GRM1: variants seen among roughly 807,000 people sequenced by gnomAD.
GRM1 encodes the protein metabotropic glutamate receptor 1.
A neutral mutation model predicts 90.9 loss-of-function variants in GRM1; 33 were observed. That is an observed-to-expected ratio of 0.36 (90% confidence interval 0.28 to 0.49). The LOEUF (loss-of-function observed/expected upper bound fraction) is 0.49, where lower values mean the gene tolerates loss of function less well. GRM1 is among the 20% of genes least tolerant of loss of function. GRM1 has a pLI of 0.99. For synonymous variants in GRM1, 700 were observed against 613.2 expected (o/e 1.14, Z -2.09); for missense variants, 1,190 against 1,534.3 (o/e 0.78, Z 3.75).
At chr6:146,364,373 A>C in intron 5 of GRM1, among the ~76,000 whole-genome samples, 1 of 152,204 alleles carries the variant, frequency 6.6e-6, no homozygotes, top group East Asian at 1.9e-4. Flanking sequence ...ATCTACCTCA[A>C]GTAAATTATC....
chr6:146,396,104 C>CTGTCTATCTATCTATT (rs1554307314), intron 6 of GRM1, among the ~76,000 whole-genome samples: 2 of 146,898 alleles, frequency 1.4e-5, no homozygotes, highest in Non-Finnish European at 3.0e-5. Context: ...ATCTATCTAT[C>CTGTCTATCTATCTATT]GTCTATATAT....
intron 2 of GRM1, among the ~76,000 whole-genome samples, chr6:146,178,754 T>A (rs1195665346): frequency 6.6e-6 from 1 of 152,238 alleles, no homozygotes; most frequent in Non-Finnish European, 1.5e-5. Context: ...ATTTCTCATT[T>A]AGTAGCCATT....
At chr6:146,326,069 G>C (rs557333610) in intron 3 of GRM1, among the ~76,000 whole-genome samples, 12 of 152,252 alleles carry the variant, frequency 7.9e-5, no homozygotes, top group African/African-American at 2.9e-4. Context: ...CAGAGAAGTG[G>C]TCATAAGCCT....
intron 7 of GRM1, among the ~76,000 whole-genome samples, chr6:146,423,653 C>A (rs1326036404): frequency 1.3e-5 from 2 of 152,076 alleles, no homozygotes; most frequent in Non-Finnish European, 2.9e-5. Context: ...GCTTCCTGTC[C>A]AATTTCCGGG....
intron 2 of GRM1, among the ~76,000 whole-genome samples, chr6:146,178,926 T>A (rs1205781538): frequency 1.3e-5 from 2 of 152,166 alleles, no homozygotes; most frequent in Non-Finnish European, 2.9e-5. Flanking sequence ...AAGATGTTAA[T>A]CTACCCACAA....
At chr6:146,241,839 A>G (rs1381552903) in intron 2 of GRM1, among the ~76,000 whole-genome samples, 6 of 152,264 alleles carry the variant, frequency 3.9e-5, no homozygotes, top group Non-Finnish European at 8.8e-5. Context: ...TAAAATACCT[A>G]CTGGGCACCT....
At chr6:146,295,695 G>A (rs1357762198) in intron 2 of GRM1, among the ~76,000 whole-genome samples, 1 of 152,100 alleles carries the variant, frequency 6.6e-6, no homozygotes, top group African/African-American at 2.4e-5. Flanking sequence ...GTATGTATAT[G>A]TATATTATTG....
intron 3 of GRM1, among the ~76,000 whole-genome samples, chr6:146,351,896 G>T (rs1396121633): frequency 6.6e-6 from 1 of 152,202 alleles, no homozygotes; most frequent in Non-Finnish European, 1.5e-5. Flanking sequence ...CATGATATAG[G>T]AAGATATTTA....
intron 3 of GRM1, among the ~76,000 whole-genome samples, chr6:146,346,702 A>T (rs1370775711): frequency 1.3e-5 from 2 of 152,352 alleles, no homozygotes; most frequent in East Asian, 3.9e-4. Flanking sequence ...TCTTCCTTCA[A>T]TAAATCTAAG....
At chr6:146,210,428 A>G (rs1779651688) in intron 2 of GRM1, among the ~76,000 whole-genome samples, 1 of 152,256 alleles carries the variant, frequency 6.6e-6, no homozygotes, top group Non-Finnish European at 1.5e-5. Context: ...GAAACTAATT[A>G]TGCTTATTAA....
At chr6:146,131,713 C>T (rs966661288) in intron 1 of GRM1, among the ~76,000 whole-genome samples, 4 of 152,122 alleles carry the variant, frequency 2.6e-5, no homozygotes, top group Admixed American at 2.6e-4. Context: ...TGTTTAGGCA[C>T]TGTTCTGGAC....
At chr6:146,074,773 A>G (rs1298564388) in intron 1 of GRM1, among the ~76,000 whole-genome samples, 1 of 152,140 alleles carries the variant, frequency 6.6e-6, no homozygotes, top group Non-Finnish European at 1.5e-5. Flanking sequence ...AGAGTCATAA[A>G]TCCGACACAA....
intron 3 of GRM1, among the ~76,000 whole-genome samples, chr6:146,343,520 C>A (rs866457118): frequency 6.6e-6 from 1 of 151,968 alleles, no homozygotes; most frequent in Non-Finnish European, 1.5e-5. Flanking sequence ...TTATTTTATA[C>A]CCTGGATTAT....
At chr6:146,167,554 A>G (rs983352867) in intron 2 of GRM1, among the ~76,000 whole-genome samples, 2 of 152,070 alleles carry the variant, frequency 1.3e-5, no homozygotes, top group African/African-American at 4.8e-5. Flanking sequence ...CCAAAATAGT[A>G]TTGTCAGTCT....
intron 1 of GRM1, among the ~76,000 whole-genome samples, chr6:146,073,130 A>AGGTT (rs1381393120): frequency 6.6e-6 from 1 of 152,160 alleles, no homozygotes; most frequent in African/African-American, 2.4e-5. Context: ...TAATAATTAT[A>AGGTT]ATAACATATC....
intron 1 of GRM1, among the ~76,000 whole-genome samples, chr6:146,041,989 C>A (rs1242781406): frequency 6.6e-6 from 1 of 151,916 alleles, no homozygotes; most frequent in African/African-American, 2.4e-5. Context: ...GTTACTGCAT[C>A]CTCCAGAGAA....
upstream of GRM1, among the ~76,000 whole-genome samples, chr6:146,028,269 G>GTGTGTA (rs1554258664): frequency 9.1e-3 from 1,338 of 147,226 alleles, 7 homozygotes; most frequent in African/African-American, 0.017. Flanking sequence ...GTGTGTGTGT[G>GTGTGTA]TGTGTGTGTA....
At chr6:146,293,419 G>GTC (rs1783064268) in intron 2 of GRM1, among the ~76,000 whole-genome samples, 1 of 151,792 alleles carries the variant, frequency 6.6e-6, no homozygotes, top group South Asian at 2.1e-4. Context: ...AGCCAACCAG[G>GTC]TATAAATGCA....
intron 1 of GRM1, among the ~76,000 whole-genome samples, chr6:146,085,437 A>G (rs761849434): frequency 2.0e-5 from 3 of 152,144 alleles, no homozygotes; most frequent in Non-Finnish European, 2.9e-5. Flanking sequence ...ATTCTTTCAC[A>G]TAATTCTGAT....
Sources: gnomAD v4.1 joint callset for allele counts (sites outside exome capture counted in the v4.1 genomes callset) on GRCh38, gnomAD v4.1.1 for gene constraint, MANE v1.5 for transcripts, NCBI Gene and HGNC (gene_info 2026-07-23, HGNC 2026-07-21) for gene names.